The following PACRG variants were observed in gnomAD, a reference collection of about 807,000 sequenced individuals.
The protein encoded by PACRG is parkin coregulated gene protein.
Under a neutral mutation model 29.7 loss-of-function variants are expected in PACRG, and 29 were observed. The ratio of observed to expected loss-of-function variants is 0.98; its 90% CI spans 0.73 to 1.33. The LOEUF (loss-of-function observed/expected upper bound fraction) is 1.33, where lower values mean the gene tolerates loss of function less well. Among genes scored for constraint, PACRG ranks in the 40% most tolerant of loss-of-function variants. PACRG has a pLI of 0.00. For synonymous variants in PACRG, 116 were observed against 118.7 expected (o/e 0.98, Z 0.15); for missense variants, 279 against 316.2 (o/e 0.88, Z 0.89).
At chr6:163,249,002 C>G (rs1001084630) in intron 4 of PACRG, among the ~76,000 whole-genome samples, 1 of 120,152 alleles carries the variant, frequency 8.3e-6, no homozygotes, top group Non-Finnish European at 1.6e-5. Flanking sequence ...GGCAAGAGAG[C>G]GAGACTCTGT....
At chr6:163,213,944 T>C (rs896998851) in intron 4 of PACRG, among the ~76,000 whole-genome samples, 2 of 152,226 alleles carry the variant, frequency 1.3e-5, no homozygotes, top group African/African-American at 4.8e-5. Context: ...ATATAAAAAG[T>C]AGCCTCTCTT....
chr6:163,167,075 T>C (rs968024349), intron 4 of PACRG, among the ~76,000 whole-genome samples: 5 of 152,234 alleles, frequency 3.3e-5, no homozygotes, highest in Non-Finnish European at 7.3e-5. Context: ...ATGATGCTAT[T>C]GGGTCTGTTA....
chr6:162,807,401 GC>G (rs1786444452), intron 1 of PACRG, among the ~76,000 whole-genome samples: 2 of 152,088 alleles, frequency 1.3e-5, no homozygotes, highest in African/African-American at 4.8e-5. Context: ...ATTATTTCTA[GC>G]TTTTGATTCA....
chr6:162,787,962 T>C (rs990294717), intron 1 of PACRG, among the ~76,000 whole-genome samples: 1 of 151,932 alleles, frequency 6.6e-6, no homozygotes, highest in African/African-American at 2.4e-5. Context: ...GTACAGGGAG[T>C]TCCCGTGTGC....
At chr6:163,225,816 C>T (rs186957607) in intron 4 of PACRG, among the ~76,000 whole-genome samples, 214 of 152,280 alleles carry the variant, frequency 1.4e-3, no homozygotes, top group African/African-American at 4.6e-3. Flanking sequence ...ACCTAAGTGT[C>T]CATCAGTCGA....
chr6:162,748,374 T>C (rs1344980880), intron 1 of PACRG, among the ~76,000 whole-genome samples: 2 of 152,072 alleles, frequency 1.3e-5, no homozygotes, highest in Admixed American at 1.3e-4. Flanking sequence ...CTGCCTGTTA[T>C]CCCAGCTACT....
chr6:162,875,362 C>T (rs1793242879), intron 2 of PACRG, among the ~76,000 whole-genome samples: 1 of 152,080 alleles, frequency 6.6e-6, no homozygotes, highest in Admixed American at 6.6e-5. Flanking sequence ...CACACATTCA[C>T]ACACATTCAT....
At chr6:162,877,964 A>G (rs1400605989) in intron 2 of PACRG, among the ~76,000 whole-genome samples, 1 of 152,262 alleles carries the variant, frequency 6.6e-6, no homozygotes, top group East Asian at 1.9e-4. Flanking sequence ...GCTATGAATT[A>G]TTTCTTACAA....
intron 2 of PACRG, among the ~76,000 whole-genome samples, chr6:162,873,239 G>A (rs1434259135): frequency 6.6e-6 from 1 of 151,910 alleles, no homozygotes. Context: ...TAGGTAACTG[G>A]GGTACGTTTC....
At chr6:162,999,724 A>G (rs1033963710) in intron 2 of PACRG, among the ~76,000 whole-genome samples, 11 of 152,246 alleles carry the variant, frequency 7.2e-5, no homozygotes, top group African/African-American at 2.7e-4. Context: ...GGCAAGGTCT[A>G]ATCCACTATA....
intron 2 of PACRG, among the ~76,000 whole-genome samples, chr6:163,040,169 A>G (rs917085308): frequency 6.6e-6 from 1 of 152,226 alleles, no homozygotes; most frequent in Non-Finnish European, 1.5e-5. Flanking sequence ...AAAAGGTGAC[A>G]AGGTACAGAT....
intron 2 of PACRG, among the ~76,000 whole-genome samples, chr6:163,022,543 A>G (rs1221675511): frequency 6.6e-6 from 1 of 152,196 alleles, no homozygotes; most frequent in Non-Finnish European, 1.5e-5. Context: ...AGCAGCTTCG[A>G]GGCATTTGCT....
chr6:163,135,045 C>T lies in PACRG; in HGVS notation c.613+45637C>T, dbSNP rs1366685741. On this transcript the variant is annotated intron_variant, in intron 4 of 4. Coordinates refer to ENST00000366888, the MANE Select transcript of PACRG (RefSeq NM_001080379.2). The stretch of plus-strand genomic sequence containing the variant: ...TTACTCTCAGTATATATATCTGTAA[C>T]TAGAAACAATACATTTTTCACGTTG... Among the ~76,000 whole-genome samples, 5 of 152,238 alleles carry T rather than the reference C, an allele frequency of 3.3e-5. No individual in the cohort carries two copies. The South Asian group carries it at 8.3e-4, about 25-fold the overall frequency.
At chr6:162,752,157 T>C (rs778614603) in intron 1 of PACRG, among the ~76,000 whole-genome samples, 1 of 152,150 alleles carries the variant, frequency 6.6e-6, no homozygotes, top group Non-Finnish European at 1.5e-5. Context: ...CATCTGATGC[T>C]AAAGACAGCC....
intron 2 of PACRG, among the ~76,000 whole-genome samples, chr6:162,827,440 GT>G (rs1193548038): frequency 1.3e-5 from 2 of 152,142 alleles, no homozygotes; most frequent in African/African-American, 4.8e-5. Context: ...AAAGTAAAAT[GT>G]ATTGGTTAGT....
intron 4 of PACRG, among the ~76,000 whole-genome samples, chr6:163,292,573 G>GCAT (rs1784650774): frequency 1.7e-5 from 1 of 59,694 alleles, no homozygotes; most frequent in Non-Finnish European, 3.8e-5. Flanking sequence ...GCTAATTTAT[G>GCAT]TATTATTTAT....
At chr6:163,007,301 G>A (rs1805207531) in intron 2 of PACRG, among the ~76,000 whole-genome samples, 1 of 151,776 alleles carries the variant, frequency 6.6e-6, no homozygotes, top group South Asian at 2.1e-4. Flanking sequence ...TTATCTTTTG[G>A]AGACTTAAAC....
At chr6:162,955,995 A>G (rs886588413) in intron 2 of PACRG, among the ~76,000 whole-genome samples, 1 of 152,106 alleles carries the variant, frequency 6.6e-6, no homozygotes, top group Non-Finnish European at 1.5e-5. Context: ...GCCTCTGGAC[A>G]TGGTGGGAAG....
At chr6:162,916,547 TTC>T (rs1796707962) in intron 2 of PACRG, among the ~76,000 whole-genome samples, 1 of 152,168 alleles carries the variant, frequency 6.6e-6, no homozygotes, top group South Asian at 2.1e-4. Flanking sequence ...CTGCATTTTG[TTC>T]TGTTTCCTTT....
Sources: allele counts gnomAD v4.1 joint callset (sites outside exome capture counted in the v4.1 genomes callset), GRCh38; gene constraint gnomAD v4.1.1; transcripts MANE v1.5; gene names NCBI Gene and HGNC (gene_info 2026-07-23, HGNC 2026-07-21).